KRT24: variants seen among roughly 807,000 people sequenced by gnomAD.
KRT24 encodes keratin 24, also known as keratin, type I cytoskeletal 24.
KRT24 carries 44 observed loss-of-function variants against 51.7 expected under a neutral mutation model. The observed-to-expected ratio is 0.85, with a 90% CI of 0.67 to 1.09. KRT24 has a LOEUF of 1.09. Ranked by LOEUF, KRT24 falls within the 50% of genes least tolerant of loss-of-function variation. KRT24 has a pLI of 0.00. For synonymous variants in KRT24, 241 were observed against 249.5 expected, an observed-to-expected ratio of 0.97 and a Z score of 0.32; for missense variants, 633 against 647.0, an observed-to-expected ratio of 0.98 and a Z score of 0.24.
intron 1 of KRT24, among the ~76,000 whole-genome samples, chr17:40,702,586 ATTGTATTTC>A (rs1335159949): frequency 1.3e-5 from 2 of 152,220 alleles, no homozygotes; most frequent in Admixed American, 6.5e-5. Context: ...TAGTGCAAAA[ATTGTATTTC>A]ACTTCCAAAA....
In KRT24 at chr17:40,698,168, C is replaced by A. The variant is rs1275906939; in HGVS notation, c.*69G>T. On this transcript the variant is annotated 3_prime_UTR_variant, in exon 8 of 8. Coordinates refer to ENST00000264651, the MANE Select transcript of KRT24 (RefSeq NM_019016.3). ...TCCAGAAAGATGCCTAGATTGATGC[C>A]ATTTCTTCGCTTGTGTCCTTCTTGA... is the stretch of plus-strand genomic sequence containing the variant. The A allele has an allele frequency of 1.0e-6, 1 of 976,574 alleles. No homozygotes were observed. The highest frequency in any genetic ancestry group is 2.4e-5 in the East Asian group (1 of 41,698). The allele number at this position is 976,574 out of a possible 1,614,324, so 60.5% of individuals were successfully genotyped here.
Position 40,699,529 on chromosome 17 carries a change from C to A in KRT24, c.1276G>T (p.Ala426Ser). The change falls in exon 6 of 8, where the codon GCA becomes TCA. Residue 426 changes from alanine (A) to serine (S), a missense_variant. Physicochemically the swap from Ala to Ser is moderately conservative, Grantham distance 99. Coordinates refer to ENST00000264651, the MANE Select transcript of KRT24 (RefSeq NM_019016.3). ...ATGTCCAGCAATTGCTTGTACTCTGCGTTCTGGCATTTAGTCTCACCCCAG... is the reference window on the plus strand; with the variant it reads ...ATGTCCAGCAATTGCTTGTACTCTGAGTTCTGGCATTTAGTCTCACCCCAG... ...QIWGETKCQNAEYKQLLDIKT... is the reference protein window; with the variant it reads ...QIWGETKCQNSEYKQLLDIKT... The A allele has an allele frequency of 6.2e-7, 1 of 1,613,924 alleles. No individual in the cohort carries two copies. The highest frequency in any genetic ancestry group is 8.5e-7 in the Non-Finnish European group (1 of 1,179,794).
chr17:40,702,994 T>A, intron 1 of KRT24, 85 bp downstream of exon 1: 1 of 1,390,624 alleles, frequency 7.2e-7, no homozygotes, highest in Non-Finnish European at 9.6e-7. Flanking sequence ...TTCAAATAAT[T>A]TCTTAAAATT....
At position 40,700,388 on chromosome 17, in the gene KRT24, C is replaced by A. The variant is rs1490384819; in HGVS notation, c.856-5G>T. 1.9e-6 allele frequency: 3 copies of A among 1,599,454 alleles called. No homozygotes were observed. Among genetic ancestry groups the A allele is most frequent in the African/African-American group, 2.7e-5 (2 of 73,786 alleles). On this transcript the variant is annotated splice_polypyrimidine_tract_variant and splice_region_variant and intron_variant, in intron 3 of 7. Coordinates refer to ENST00000264651, the MANE Select transcript of KRT24 (RefSeq NM_019016.3). ...TCCTTGCATATTCTTCATTTCCTAG[C>A]ATGAAGGAAAAAAGACTATCGTGAT...
rs2429549 is a variant in KRT24, at chr17:40,698,154, G to A, written c.*83C>T. The A allele has an allele frequency of 0.31, 266,608 of 856,740 alleles. 43,582 individuals carry two copies. Among genetic ancestry groups the A allele is most frequent in the Middle Eastern group, 0.46 (2,105 of 4,538 alleles). The allele number at this position is 856,740 out of a possible 1,614,324, so 53.1% of individuals were successfully genotyped here. On this transcript the variant is annotated 3_prime_UTR_variant, in exon 8 of 8. Coordinates refer to ENST00000264651, the MANE Select transcript of KRT24 (RefSeq NM_019016.3). ...TTTTCCTGAAATTATCCAGAAAGATGCCTAGATTGATGCCATTTCTTCGCT... is the reference window on the plus strand; with the variant it reads ...TTTTCCTGAAATTATCCAGAAAGATACCTAGATTGATGCCATTTCTTCGCT...
Position 40,703,178 on chromosome 17 carries a change from G to T in KRT24, c.516C>A (p.Ile172=). The change falls in exon 1 of 8, where the codon ATC becomes ATA. Residue 172 remains isoleucine (I), a synonymous_variant. Transcript: ENST00000264651. ...EEANTDLENK[I]KEWYDKYGPG... is the part of the protein sequence containing the mutation. ...GCCCATATTTGTCATACCACTCCTT[G>T]ATTTTGTTCTCCAGATCAGTGTTAG... 1 of 1,614,076 alleles carries T rather than the reference G, an allele frequency of 6.2e-7. No homozygotes were observed. The highest frequency in any genetic ancestry group is 8.5e-7 in the Non-Finnish European group (1 of 1,180,024).
intron 5 of KRT24, 125 bp from the exon 6 acceptor site, chr17:40,699,786 G>T: frequency 4.0e-6 from 4 of 1,001,166 alleles, no homozygotes; most frequent in South Asian, 3.3e-5. Context: ...TTATATCATT[G>T]CTTCTTTAAT....
At position 40,701,881 on chromosome 17, in the gene KRT24, G is replaced by T. The variant is rs562691657; in HGVS notation, c.668C>A (p.Ala223Asp). ...NAGIILHIDNARLAADDFRLK... is the reference protein window; with the variant it reads ...NAGIILHIDNDRLAADDFRLK... ...TCTGAAGTCATCAGCAGCCAATCTG[G>T]CATTGTCAATGTGCAAAATGATCCC... Residue 223 changes from alanine (A) to aspartate (D), a missense_variant, in exon 2 of 8, where the codon GCC becomes GAC. Ala to Asp is a moderately radical substitution (Grantham distance 126). Coordinates refer to ENST00000264651, the MANE Select transcript of KRT24 (RefSeq NM_019016.3). 7 of 1,499,908 alleles carry T rather than the reference G, an allele frequency of 4.7e-6. No individual in the cohort carries two copies. Among genetic ancestry groups the T allele is most frequent in the Non-Finnish European group, 6.3e-6 (7 of 1,117,632 alleles). The allele number at this position is 1,499,908 out of a possible 1,614,324, so 92.9% of individuals were successfully genotyped here. A position where few individuals can be genotyped will look rare whatever the true frequency, so the allele number is the denominator to read the frequency against.
chr17:40,703,148 C>A lies in KRT24; in HGVS notation c.546G>T (p.Gly182=). 6.2e-7 allele frequency: 1 copy of A among 1,614,096 alleles called. No individual in the cohort carries two copies. The highest frequency in any genetic ancestry group is 8.5e-7 in the Non-Finnish European group (1 of 1,179,988). ...IKEWYDKYGP[G]SGDGGSGRDY... ...CTCTTCCCGATCCACCGTCTCCAGA[C>A]CCAGGCCCATATTTGTCATACCACT... The change falls in exon 1 of 8, where the codon GGG becomes GGT. Residue 182 remains glycine (G), a synonymous_variant. Transcript: ENST00000264651.
At chr17:40,702,281 T>C (rs1258036578) in intron 1 of KRT24, among the ~76,000 whole-genome samples, 1 of 152,124 alleles carries the variant, frequency 6.6e-6, no homozygotes, top group Non-Finnish European at 1.5e-5. Context: ...CCTCAAGTGA[T>C]TTGCCCGCCT....
Position 40,698,156 on chromosome 17 carries a change from C to G in KRT24, c.*81G>C, listed in dbSNP as rs2037627347. On this transcript the variant is annotated 3_prime_UTR_variant, in exon 8 of 8. Transcript: ENST00000264651. ...TTCCTGAAATTATCCAGAAAGATGC[C>G]TAGATTGATGCCATTTCTTCGCTTG... 3 of 897,356 alleles carry G rather than the reference C, an allele frequency of 3.3e-6. No homozygotes were observed. Among genetic ancestry groups the G allele is most frequent in the Non-Finnish European group, 5.5e-6 (3 of 548,784 alleles). 55.6% of individuals were successfully genotyped at this position (897,356 alleles called of 1,614,324 possible).
At position 40,698,524 on chromosome 17, in the gene KRT24, T is replaced by TA; in HGVS notation, c.1474+13dup. On this transcript the variant is annotated intron_variant, in intron 7 of 7. Transcript: ENST00000264651. ...TAAATTACAGAACTATTATCAATATTAAAAAAAGTCTACCTCGTCCTTGAC... is the reference window on the plus strand; with the variant it reads ...TAAATTACAGAACTATTATCAATATTAAAAAAAAGTCTACCTCGTCCTTGAC... 4 of 1,459,312 alleles carry TA rather than the reference T, an allele frequency of 2.7e-6. No individual in the cohort carries two copies. Among genetic ancestry groups the TA allele is most frequent in the African/African-American group, 1.4e-5 (1 of 70,768 alleles). 90.4% of individuals were successfully genotyped at this position (1,459,312 alleles called of 1,614,324 possible).
Position 40,703,019 on chromosome 17 carries a change from T to C in KRT24, c.615+60A>G, listed in dbSNP as rs192973641. 9.2e-4 allele frequency: 1,379 copies of C among 1,499,478 alleles called. 1 individual carries two copies. The highest frequency in any genetic ancestry group is 1.2e-3 in the Non-Finnish European group (1,308 of 1,121,548). 92.9% of individuals were successfully genotyped at this position (1,499,478 alleles called of 1,614,324 possible). On this transcript the variant is annotated intron_variant, in intron 1 of 7. Transcript: ENST00000264651. ...TTCTTAAAATTTTCATTATAGTACA[T>C]GATCTGAAAAGAAGTGAAAGATCCA...
rs1567863025 is a variant in KRT24, at chr17:40,701,752, TA to T, written c.698+98del. ...ATATATATATATATATATATATATA[TA>T]TATATATATATATATATATATATAT... is the stretch of plus-strand genomic sequence containing the variant. On this transcript the variant is annotated intron_variant, in intron 2 of 7. Transcript: ENST00000264651. 169 of 39,144 alleles carry T rather than the reference TA, an allele frequency of 4.3e-3. 4 individuals carry two copies. Among genetic ancestry groups the T allele is most frequent in the South Asian group, 9.0e-3 (5 of 556 alleles). 2.4% of individuals were successfully genotyped at this position (39,144 alleles called of 1,614,324 possible). A position where few individuals can be genotyped will look rare whatever the true frequency, so the allele number is the denominator to read the frequency against.
rs11358106 is a variant in KRT24, at chr17:40,702,160, TA to T, written c.616-228del. On this transcript the variant is annotated intron_variant, in intron 1 of 7. Coordinates refer to ENST00000264651, the MANE Select transcript of KRT24 (RefSeq NM_019016.3). ...GATTCTTGAGCCTCAGCCTCCTGAG[TA>T]GCTGGGATTACAGGGGCGTGCCACT... is the stretch of plus-strand genomic sequence containing the variant. Among the ~76,000 whole-genome samples the T allele has an allele frequency of 6.2e-3, 935 of 152,002 alleles. 6 individuals are homozygous for T. Among genetic ancestry groups the T allele is most frequent in the African/African-American group, 0.021 (883 of 41,458 alleles).
chr17:40,703,369 A>G lies in KRT24; in HGVS notation c.325T>C (p.Ser109Pro), dbSNP rs780389873. ...FGRGSGFCGS[S>P]RFSSGATGGF... ...CCAGTAGCACCACTGCTGAATCTAG[A>G]ACTCCCACAGAATCCAGAACCCCTG... The change falls in exon 1 of 8, where the codon TCT becomes CCT. Residue 109 changes from serine (S) to proline (P), a missense_variant. Coordinates refer to ENST00000264651, the MANE Select transcript of KRT24 (RefSeq NM_019016.3). The G allele has an allele frequency of 5.6e-6, 9 of 1,613,806 alleles. No homozygotes were observed. Among genetic ancestry groups the G allele is most frequent in the Non-Finnish European group, 7.6e-6 (9 of 1,179,830 alleles).
intron 6 of KRT24, 23 bp from the exon 7 acceptor site, chr17:40,698,673 T>C: frequency 7.9e-7 from 1 of 1,265,468 alleles, no homozygotes; most frequent in Non-Finnish European, 1.2e-6. Context: ...AGAATTATGT[T>C]TTCCTTTGCA....
At position 40,698,602 on chromosome 17, in the gene KRT24, G is replaced by A. The variant is rs761851135; in HGVS notation, c.1410C>T (p.Asn470=). 1.2e-6 allele frequency: 2 copies of A among 1,612,640 alleles called. No homozygotes were observed. The highest frequency in any genetic ancestry group is 1.1e-5 in the South Asian group (1 of 91,018). The change falls in exon 7 of 8, where the codon AAC becomes AAT. Residue 470 remains asparagine (N), a synonymous_variant. Transcript: ENST00000264651. The part of the protein sequence containing the change: ...EFGGRNSGSV[N]MGSRDLVSGD... ...CAGATACCAGATCCCTGGATCCCATGTTTACAGATCCTGAGTTTCTACCAC... is the reference window on the plus strand; with the variant it reads ...CAGATACCAGATCCCTGGATCCCATATTTACAGATCCTGAGTTTCTACCAC...
chr17:40,701,815 C>A, intron 2 of KRT24, 36 bp downstream of exon 2: 2 of 735,072 alleles, frequency 2.7e-6, no homozygotes, highest in Non-Finnish European at 3.9e-6. Context: ...TATTTTTCTC[C>A]CGTAACACTT....
Sources: gnomAD v4.1 joint callset for allele counts (sites outside exome capture counted in the v4.1 genomes callset) on GRCh38, gnomAD v4.1.1 for gene constraint, MANE v1.5 for transcripts, NCBI Gene and HGNC (gene_info 2026-07-23, HGNC 2026-07-21) for gene names.